Variants in GIP observed in about 807,000 individuals in gnomAD.
GIP encodes gastric inhibitory polypeptide, also known as glucose-dependent insulinotropic polypeptide.
A neutral mutation model predicts 18.1 loss-of-function variants in GIP; 16 were observed. The observed-to-expected ratio is 0.88, with a 90% CI of 0.60 to 1.34. GIP has a LOEUF of 1.34. Ranked by LOEUF, GIP falls within the 40% of genes most tolerant of loss-of-function variation. The pLI is 0.00. For missense variants in GIP, 192 were observed against 183.4 expected (o/e 1.05, Z -0.27); for synonymous variants, 76 against 74.0 (o/e 1.03, Z -0.14).
chr17:48,961,726 C>A lies in GIP; in HGVS notation c.350+1G>T, dbSNP rs202191457. 3 of 1,602,936 alleles carry A rather than the reference C, an allele frequency of 1.9e-6. No individual in the cohort carries two copies. In the East Asian group the frequency reaches 6.7e-5, roughly 36 times the overall value. On this transcript the variant is annotated splice_donor_variant, in intron 4 of 5. Coordinates refer to ENST00000357424, the MANE Select transcript of GIP (RefSeq NM_004123.3). LOFTEE classifies it high-confidence loss of function. ...TCCCTTCCCTCTGCGCCCTGACTCA[C>A]CTCTGTGGCTCCACTGCCTCCTCCT... is the stretch of plus-strand genomic sequence containing the variant.
chr17:48,963,995 C>CA (rs10718451), intron 3 of GIP, among the ~76,000 whole-genome samples: 3,971 of 132,562 alleles, frequency 0.03, 65 homozygotes, highest in Admixed American at 0.042. Context: ...ACTGAAAATA[C>CA]AAAAAAAAAA....
rs1478023628 is a variant in GIP at position 48,967,268 on chromosome 17, AG to A, written c.-21-16del. On this transcript the variant is annotated splice_polypyrimidine_tract_variant and intron_variant, in intron 1 of 5. Coordinates refer to ENST00000357424, the MANE Select transcript of GIP (RefSeq NM_004123.3). Reference sequence around the variant, plus strand: ...TATTTCCTGAGCTAAGACAGAAAAAAGCCAGGACATGTTGAGAGAGCAACCA... The same window carrying A: ...TATTTCCTGAGCTAAGACAGAAAAAACCAGGACATGTTGAGAGAGCAACCA... The A allele has an allele frequency of 6.3e-7, 1 of 1,578,746 alleles. No individual in the cohort carries two copies. Among genetic ancestry groups the A allele is most frequent in the South Asian group, 1.1e-5 (1 of 90,364 alleles).
intron 2 of GIP, among the ~76,000 whole-genome samples, chr17:48,966,117 G>C (rs2041234625): frequency 6.6e-6 from 1 of 152,028 alleles, no homozygotes; most frequent in African/African-American, 2.4e-5. Context: ...AGTTAGCCGG[G>C]CGTGGTGGCA....
At position 48,967,348 on chromosome 17, in the gene GIP, T is replaced by C. The variant is rs140124636; in HGVS notation, c.-21-95A>G. Reference sequence around the variant, plus strand: ...AAAGCCCTGAGGTTTGGACCCTTTCTTTTCCTTTTTCTTTTTTTTTTTTTT... The same window carrying C: ...AAAGCCCTGAGGTTTGGACCCTTTCCTTTCCTTTTTCTTTTTTTTTTTTTT... On this transcript the variant is annotated intron_variant, in intron 1 of 5. Transcript: ENST00000357424. 9.3e-4 allele frequency: 707 copies of C among 758,072 alleles called. 4 individuals carry two copies. The African/African-American group carries it at 0.012, about 13-fold the overall frequency. 47.0% of individuals were successfully genotyped at this position (758,072 alleles called of 1,614,324 possible).
At position 48,964,412 on chromosome 17, in the gene GIP, TACCTG is replaced by T; in HGVS notation, c.150_154del (p.Tyr52GlyfsTer7). 2 of 1,613,756 alleles carry T rather than the reference TACCTG, an allele frequency of 1.2e-6. No individual in the cohort carries two copies. The highest frequency in any genetic ancestry group is 1.7e-6 in the Non-Finnish European group (2 of 1,179,708). On this transcript the variant is annotated frameshift_variant, in exon 3 of 6. Transcript: ENST00000357424. LOFTEE classifies it high-confidence loss of function. ...GTCACTGATGAAAGTCCCTTCCGCG[TACCTG>T]GGGCCTCGAGGTTGAGGGCTGCTCA...
chr17:48,961,165 A>G (rs949105933), intron 4 of GIP, among the ~76,000 whole-genome samples, 178 bp from the exon 5 acceptor site: 1 of 152,146 alleles, frequency 6.6e-6, no homozygotes, highest in African/African-American at 2.4e-5. Flanking sequence ...AGCCCCACCC[A>G]GCGCTGCCTG....
chr17:48,968,293 T>C (rs955232834), intron 1 of GIP, among the ~76,000 whole-genome samples: 11 of 138,350 alleles, frequency 8.0e-5, no homozygotes, highest in Non-Finnish European at 1.3e-4. Flanking sequence ...CGAGTTTCCC[T>C]CCATTGCCCA....
intron 3 of GIP, among the ~76,000 whole-genome samples, chr17:48,962,174 A>G (rs1437189077): frequency 6.6e-6 from 1 of 152,152 alleles, no homozygotes; most frequent in Non-Finnish European, 1.5e-5. Flanking sequence ...GGCTGAAGCC[A>G]TCTTCCCATC....
Position 48,964,473 on chromosome 17 carries a change from G to T in GIP, c.94C>A (p.Pro32Thr). Residue 32 changes from proline (P) to threonine (T), a missense_variant, in exon 3 of 6, where the codon CCC (proline) becomes ACC (threonine). Coordinates refer to ENST00000357424, the MANE Select transcript of GIP (RefSeq NM_004123.3). ...EKKEGHFSAL[P>T]SLPVGSHAKV... Reference sequence around the variant, plus strand: ...GCATGAGATCCAACAGGCAGGGAGGGGAGAGCGCTGGAAACAAGGGTGCGG... The same window carrying T: ...GCATGAGATCCAACAGGCAGGGAGGTGAGAGCGCTGGAAACAAGGGTGCGG... The T allele has an allele frequency of 6.2e-7, 1 of 1,613,898 alleles. No homozygotes were observed. The highest frequency in any genetic ancestry group is 2.2e-5 in the East Asian group (1 of 44,872).
intron 2 of GIP, among the ~76,000 whole-genome samples, chr17:48,965,997 C>T (rs2041234022): frequency 2.0e-5 from 3 of 151,988 alleles, no homozygotes; most frequent in Admixed American, 6.6e-5. Context: ...CAGTGGCTCA[C>T]GCCTGTAATC....
chr17:48,965,059 A>C (rs1240284545), intron 2 of GIP, among the ~76,000 whole-genome samples: 1 of 150,682 alleles, frequency 6.6e-6, no homozygotes, highest in Non-Finnish European at 1.5e-5. Flanking sequence ...GAATGGCGTG[A>C]ACCCGGGAGG....
chr17:48,965,638 C>G (rs1375859114), intron 2 of GIP, among the ~76,000 whole-genome samples: 1 of 151,398 alleles, frequency 6.6e-6, no homozygotes, highest in Non-Finnish European at 1.5e-5. Flanking sequence ...TCGGGGTCCC[C>G]TCATCTGAAA....
intron 1 of GIP, among the ~76,000 whole-genome samples, chr17:48,967,710 G>T (rs973879183): frequency 6.6e-6 from 1 of 151,904 alleles, no homozygotes; most frequent in Non-Finnish European, 1.5e-5. Flanking sequence ...AAGATGAGGG[G>T]TGCTGTGCAC....
rs151226975 is a variant in GIP, at chr17:48,966,213, C to T, written c.86+934G>A. Among the ~76,000 whole-genome samples, 589 of 144,704 alleles carry T rather than the reference C, an allele frequency of 4.1e-3. 8 individuals are homozygous for T. Among genetic ancestry groups the T allele is most frequent in the African/African-American group, 0.015 (573 of 38,430 alleles). The allele number at this position is 144,704 out of a possible 152,430, so 94.9% of individuals were successfully genotyped here. On this transcript the variant is annotated intron_variant, in intron 2 of 5. Transcript: ENST00000357424. ...CGGAGGTTGCAGTGAGCCAAGATCG[C>T]GCCAGTGCACTCCAGCCTGGGTGAG...
intron 3 of GIP, among the ~76,000 whole-genome samples, chr17:48,963,213 C>T (rs1437683775): frequency 1.3e-5 from 2 of 152,132 alleles, no homozygotes; most frequent in African/African-American, 2.4e-5. Flanking sequence ...GTCTGACTCC[C>T]CATCCTTGCC....
intron 1 of GIP, among the ~76,000 whole-genome samples, 156 bp from the exon 2 acceptor site, chr17:48,967,409 G>A (rs1339293071): frequency 6.7e-6 from 1 of 150,320 alleles, no homozygotes; most frequent in Admixed American, 6.6e-5. Flanking sequence ...GTCCAGGTGG[G>A]AGTGCAGTGG....
intron 4 of GIP, 121 bp downstream of exon 4, chr17:48,961,606 G>A (rs1421062541): frequency 6.1e-6 from 4 of 652,604 alleles, no homozygotes; most frequent in Non-Finnish European, 1.1e-5. Flanking sequence ...TTTGAACTCT[G>A]AGAGGAAGAG....
chr17:48,967,382 T>G, intron 1 of GIP, 129 bp from the exon 2 acceptor site: 1 of 572,414 alleles, frequency 1.7e-6, no homozygotes, highest in Non-Finnish European at 3.0e-6. Flanking sequence ...TTTTTTGAGA[T>G]GGAGTCTCGC....
At chr17:48,962,246 T>A (rs1277372999) in intron 3 of GIP, among the ~76,000 whole-genome samples, 1 of 151,934 alleles carries the variant, frequency 6.6e-6, no homozygotes, top group African/African-American at 2.4e-5. Flanking sequence ...ATTTTTGTAC[T>A]TTTTGTTTGC....
Sources: gnomAD v4.1 joint callset for allele counts (sites outside exome capture counted in the v4.1 genomes callset) on GRCh38, gnomAD v4.1.1 for gene constraint, MANE v1.5 for transcripts, NCBI Gene and HGNC (gene_info 2026-07-23, HGNC 2026-07-21) for gene names.